DGKH: variants seen among roughly 807,000 people sequenced by gnomAD.
DGKH encodes diacylglycerol kinase eta.
A neutral mutation model predicts 159.3 loss-of-function variants in DGKH; 90 were observed. The observed-to-expected ratio is 0.57, with a 90% CI of 0.48 to 0.67. The LOEUF is 0.67. DGKH is among the 30% of genes least tolerant of loss of function. The pLI is 0.00. For missense variants in DGKH, 1,181 were observed against 1,506.1 expected (o/e 0.78, Z 3.57); for synonymous variants, 536 against 553.8 (o/e 0.97, Z 0.45).
At chr13:42,125,808 G>A (rs957585427) in intron 1 of DGKH, among the ~76,000 whole-genome samples, 1 of 152,174 alleles carries the variant, frequency 6.6e-6, no homozygotes, top group Non-Finnish European at 1.5e-5. Flanking sequence ...GAATCAGACA[G>A]ACAGAAATAT....
intron 3 of DGKH, among the ~76,000 whole-genome samples, chr13:42,154,452 C>G (rs1173620721): frequency 6.6e-6 from 1 of 152,196 alleles, no homozygotes; most frequent in African/African-American, 2.4e-5. Context: ...CTTTGAAGCA[C>G]TTTGATCCTA....
At chr13:42,253,938 C>T (rs747512594) in intron 30 of DGKH, among the ~76,000 whole-genome samples, 4 of 151,462 alleles carry the variant, frequency 2.6e-5, no homozygotes, top group Non-Finnish European at 4.4e-5. Flanking sequence ...TAAAATGCCC[C>T]CATAATAATG....
At chr13:42,212,525 G>A (rs1054531816) in intron 24 of DGKH, among the ~76,000 whole-genome samples, 5 of 152,106 alleles carry the variant, frequency 3.3e-5, no homozygotes, top group African/African-American at 1.2e-4. Flanking sequence ...TACTTCCCAT[G>A]TTCTCATCCT....
intron 3 of DGKH, among the ~76,000 whole-genome samples, chr13:42,142,446 G>C (rs1373370267): frequency 1.3e-5 from 2 of 151,194 alleles, no homozygotes; most frequent in South Asian, 2.1e-4. Flanking sequence ...GTCATTGGTA[G>C]CTTGATGGGG....
At chr13:42,045,861 G>A (rs1022302208), upstream of DGKH, among the ~76,000 whole-genome samples, 2 of 152,202 alleles carry the variant, frequency 1.3e-5, no homozygotes, top group African/African-American at 4.8e-5. Context: ...TTTGTTATGA[G>A]TAGTGATCAG....
chr13:42,120,130 T>G (rs1027250692), intron 1 of DGKH, among the ~76,000 whole-genome samples: 5 of 152,234 alleles, frequency 3.3e-5, no homozygotes, highest in Admixed American at 3.3e-4. Flanking sequence ...TTCAGGTTAT[T>G]GAGGTGTGGG....
At chr13:42,200,993 T>G (rs1322195304) in intron 20 of DGKH, among the ~76,000 whole-genome samples, 3 of 151,926 alleles carry the variant, frequency 2.0e-5, no homozygotes, top group African/African-American at 4.8e-5. Context: ...TTTTATTTAT[T>G]TATTTATTTA....
At chr13:42,252,249 T>C (rs1039028380) in intron 29 of DGKH, among the ~76,000 whole-genome samples, 21 of 152,306 alleles carry the variant, frequency 1.4e-4, no homozygotes, top group Non-Finnish European at 2.6e-4. Context: ...TCTTTGGGTA[T>C]GTTTTATTTT....
chr13:42,139,195 A>T (rs976599852), intron 3 of DGKH, among the ~76,000 whole-genome samples: 2 of 152,188 alleles, frequency 1.3e-5, no homozygotes, highest in African/African-American at 2.4e-5. Flanking sequence ...TGGGGTGAAG[A>T]TAAGGTGTGG....
At chr13:42,086,075 A>G (rs951285185) in intron 1 of DGKH, among the ~76,000 whole-genome samples, 3 of 151,918 alleles carry the variant, frequency 2.0e-5, no homozygotes, top group African/African-American at 7.3e-5. Flanking sequence ...GCACCACTAC[A>G]CCCACCTAAT....
At chr13:42,184,199 G>A (rs1165725833) in intron 13 of DGKH, among the ~76,000 whole-genome samples, 1 of 152,122 alleles carries the variant, frequency 6.6e-6, no homozygotes, top group African/African-American at 2.4e-5. Flanking sequence ...ATCATCTTCA[G>A]TTTCAAATTG....
intron 13 of DGKH, among the ~76,000 whole-genome samples, chr13:42,185,370 A>T (rs1956890876): frequency 6.6e-6 from 1 of 152,128 alleles, no homozygotes. Context: ...CACCACTGCC[A>T]CAGGATCATA....
intron 20 of DGKH, among the ~76,000 whole-genome samples, chr13:42,204,351 AC>A (rs1957413799): frequency 6.6e-6 from 1 of 152,060 alleles, no homozygotes; most frequent in South Asian, 2.1e-4. Context: ...TGCCAGACAA[AC>A]CCCCAGGTGC....
At position 42,070,777 on chromosome 13, in the gene DGKH, A is replaced by T; in HGVS notation, c.192+21812A>T. 1.9e-6 allele frequency: 3 copies of T among 1,547,294 alleles called. No individual in the cohort carries two copies. The South Asian group carries it at 3.5e-5, about 18-fold the overall frequency. On this transcript the variant is annotated intron_variant, in intron 1 of 29. Coordinates refer to ENST00000337343, the MANE Select transcript of DGKH (RefSeq NM_178009.5). ...GTCTGTCTTCATGTACTCCTGAACAATGTAAACACTGTTTAGTTCCGTAAG... is the reference window on the plus strand; with the variant it reads ...GTCTGTCTTCATGTACTCCTGAACATTGTAAACACTGTTTAGTTCCGTAAG...
At position 42,172,106 on chromosome 13, in the gene DGKH, G is replaced by A. The variant is rs145138537; in HGVS notation, c.1368-1954G>A. Among the ~76,000 whole-genome samples the A allele has an allele frequency of 2.5e-4, 36 of 145,942 alleles. No homozygotes were observed. In the East Asian group the frequency reaches 7.2e-3, roughly 29 times the overall value. Reference sequence around the variant, plus strand: ...GCCTCCCAAAGTGCTGGGATTATAGGCATGAGCCACCACACCCAGCCTCTT... The same window carrying A: ...GCCTCCCAAAGTGCTGGGATTATAGACATGAGCCACCACACCCAGCCTCTT... On this transcript the variant is annotated intron_variant, in intron 11 of 29. Coordinates refer to ENST00000337343, the MANE Select transcript of DGKH (RefSeq NM_178009.5).
chr13:42,080,826 G>C (rs1048889508), intron 1 of DGKH, among the ~76,000 whole-genome samples: 1 of 151,554 alleles, frequency 6.6e-6, no homozygotes, highest in Non-Finnish European at 1.5e-5. Flanking sequence ...TTATTTATCC[G>C]AGTTTTATAT....
Position 42,155,735 on chromosome 13 carries a change from CACCTTCTGTAACG to C in DGKH, c.559_571del (p.Thr187CysfsTer29). 6.2e-7 allele frequency: 1 copy of C among 1,614,158 alleles called. No individual in the cohort carries two copies. Among genetic ancestry groups the C allele is most frequent in the Non-Finnish European group, 8.5e-7 (1 of 1,180,040 alleles). ...GGTACGCCTGCTCCCACGCCCGACC[CACCTTCTGTAACG>C]TGTGCAGAGAGAGTCTTTCTGGAGT... is the stretch of plus-strand genomic sequence containing the variant. On this transcript the variant is annotated frameshift_variant, in exon 5 of 30. Transcript: ENST00000337343. LOFTEE classifies it high-confidence loss of function.
chr13:42,149,215 C>T (rs953322754), intron 3 of DGKH, among the ~76,000 whole-genome samples: 6 of 152,142 alleles, frequency 3.9e-5, no homozygotes, highest in Non-Finnish European at 8.8e-5. Flanking sequence ...AGACATGAGG[C>T]ATCGCTCCTG....
chr13:42,142,411 C>A (rs9533009), intron 3 of DGKH, among the ~76,000 whole-genome samples: 51,535 of 146,970 alleles, frequency 0.35, 9,715 homozygotes, highest in South Asian at 0.43. Flanking sequence ...ACTTTAAAGT[C>A]GTTTTTTCCA....
Sources: allele counts gnomAD v4.1 joint callset (sites outside exome capture counted in the v4.1 genomes callset), GRCh38; gene constraint gnomAD v4.1.1; transcripts MANE v1.5; gene names NCBI Gene and HGNC (gene_info 2026-07-23, HGNC 2026-07-21).